LDAH: variants seen among roughly 807,000 people sequenced by gnomAD.
LDAH encodes the protein lipid droplet-associated hydrolase.
LDAH carries 26 observed loss-of-function variants against 29.6 expected under a neutral mutation model. The ratio of observed to expected loss-of-function variants is 0.88; its 90% CI spans 0.64 to 1.22. The LOEUF is 1.22. Ranked by LOEUF, LDAH falls within the 50% of genes most tolerant of loss-of-function variation. The probability of loss-of-function intolerance (pLI) is 0.00; values close to 1 mark genes in which losing one functional copy is unlikely to be tolerated. For missense variants in LDAH, 344 were observed against 387.3 expected (o/e 0.89, Z 0.94); for synonymous variants, 117 against 133.0 (o/e 0.88, Z 0.83).
intron 1 of LDAH, among the ~76,000 whole-genome samples, chr2:20,814,134 A>G (rs1208590364): frequency 6.6e-6 from 1 of 151,766 alleles, no homozygotes; most frequent in Non-Finnish European, 1.5e-5. Context: ...TTCCCCCACT[A>G]AATTAACATA....
Position 20,789,336 on chromosome 2 carries a change from GCC to G in LDAH, c.298+917_298+918del, listed in dbSNP as rs1370200203. 39 of 1,530,458 alleles carry G rather than the reference GCC, an allele frequency of 2.5e-5. No individual in the cohort carries two copies. In the African/African-American group the frequency reaches 4.4e-4, roughly 17 times the overall value. The allele number at this position is 1,530,458 out of a possible 1,614,324, so 94.8% of individuals were successfully genotyped here. A position where few individuals can be genotyped will look rare whatever the true frequency, so the allele number is the denominator to read the frequency against. ...TCCACCACGAGAGGACAGCAAGAAT[GCC>G]ACCTGTGAATCGGGAAGTAGGTTTT... is the stretch of plus-strand genomic sequence containing the variant. On this transcript the variant is annotated intron_variant, in intron 3 of 6. Transcript: ENST00000237822.
intron 4 of LDAH, among the ~76,000 whole-genome samples, chr2:20,748,590 C>T (rs1667741977): frequency 6.6e-6 from 1 of 152,218 alleles, no homozygotes; most frequent in African/African-American, 2.4e-5. Context: ...AACAATGATG[C>T]TCACAGGCTC....
chr2:20,710,660 C>G (rs59535564), intron 5 of LDAH, among the ~76,000 whole-genome samples: 29,291 of 136,642 alleles, frequency 0.21, 3,609 homozygotes, highest in East Asian at 0.33. Flanking sequence ...TATATATACA[C>G]ATATATATTA....
intron 4 of LDAH, among the ~76,000 whole-genome samples, chr2:20,773,071 A>G (rs1669544421): frequency 6.6e-6 from 1 of 152,202 alleles, no homozygotes; most frequent in Non-Finnish European, 1.5e-5. Flanking sequence ...ACAGCAATAG[A>G]TACCTAATAC....
chr2:20,718,550 T>C (rs1422156445), intron 5 of LDAH, among the ~76,000 whole-genome samples: 2 of 152,126 alleles, frequency 1.3e-5, no homozygotes, highest in South Asian at 4.1e-4. Flanking sequence ...AGAGGTAGAC[T>C]GCAATACAGT....
intron 4 of LDAH, among the ~76,000 whole-genome samples, chr2:20,767,228 A>C (rs1175167102): frequency 6.6e-6 from 1 of 152,222 alleles, no homozygotes; most frequent in African/African-American, 2.4e-5. Flanking sequence ...AGCCAGAAAC[A>C]GGCAGCAGCC....
intron 3 of LDAH, among the ~76,000 whole-genome samples, chr2:20,785,715 T>G (rs565614636): frequency 1.3e-5 from 2 of 152,360 alleles, no homozygotes; most frequent in African/African-American, 4.8e-5. Context: ...TAAATTATTT[T>G]TTTCTCTTTG....
At chr2:20,802,338 G>A (rs1671768576) in intron 1 of LDAH, among the ~76,000 whole-genome samples, 1 of 152,088 alleles carries the variant, frequency 6.6e-6, no homozygotes. Flanking sequence ...GGGATTACAG[G>A]CATGAGCCAT....
intron 5 of LDAH, among the ~76,000 whole-genome samples, chr2:20,719,591 A>T (rs1328576225): frequency 6.6e-6 from 1 of 152,124 alleles, no homozygotes; most frequent in Non-Finnish European, 1.5e-5. Flanking sequence ...CTACTTTAAA[A>T]AATTGAAGAG....
intron 5 of LDAH, among the ~76,000 whole-genome samples, chr2:20,724,546 ACAT>A (rs1665883273): frequency 6.6e-6 from 1 of 152,168 alleles, no homozygotes; most frequent in Non-Finnish European, 1.5e-5. Flanking sequence ...CCAAGAGCTG[ACAT>A]CATGATGGAG....
chr2:20,707,202 A>G (rs1350075467), intron 5 of LDAH, among the ~76,000 whole-genome samples: 2 of 152,214 alleles, frequency 1.3e-5, no homozygotes, highest in African/African-American at 4.8e-5. Context: ...AACTACTCCT[A>G]TAGCTCAAAG....
intron 6 of LDAH, among the ~76,000 whole-genome samples, chr2:20,690,733 A>G (rs1662948054): frequency 6.6e-6 from 1 of 152,144 alleles, no homozygotes; most frequent in African/African-American, 2.4e-5. Context: ...AGAAAGAGAA[A>G]CAACTGGACA....
At chr2:20,793,967 T>C (rs1290018409) in intron 2 of LDAH, among the ~76,000 whole-genome samples, 2 of 152,156 alleles carry the variant, frequency 1.3e-5, no homozygotes. Flanking sequence ...ATAAAAACTC[T>C]TTCAGAAAAT....
intron 4 of LDAH, among the ~76,000 whole-genome samples, chr2:20,763,833 TTAGA>T (rs569518498): frequency 1.9e-4 from 29 of 152,244 alleles, no homozygotes; most frequent in African/African-American, 7.0e-4. Flanking sequence ...ATGAAATGCA[TTAGA>T]TAAAGTACTA....
intron 2 of LDAH, among the ~76,000 whole-genome samples, chr2:20,799,313 T>C (rs1481459135): frequency 1.3e-5 from 2 of 152,184 alleles, no homozygotes; most frequent in Admixed American, 6.5e-5. Context: ...AGAACATCTG[T>C]TGGAACTAGA....
In LDAH at chr2:20,694,864, A is replaced by G. The variant is rs919604464; in HGVS notation, c.786+6706T>C. ...AAAGGGCCAGGATCCTCTCCCTCCC[A>G]CATACAAGCCACGAGGCCATCAAGT... On this transcript the variant is annotated intron_variant, in intron 6 of 6. Transcript: ENST00000237822. Among the ~76,000 whole-genome samples the G allele has an allele frequency of 6.6e-5, 10 of 152,326 alleles. No individual in the cohort carries two copies. In the East Asian group the frequency reaches 1.9e-3, roughly 29 times the overall value.
chr2:20,783,900 T>C (rs1098155), intron 3 of LDAH, among the ~76,000 whole-genome samples: 4 of 151,682 alleles, frequency 2.6e-5, no homozygotes, highest in Middle Eastern at 3.2e-3. Flanking sequence ...TTCTGTAGAG[T>C]TGGAGTTTCA....
intron 5 of LDAH, among the ~76,000 whole-genome samples, chr2:20,738,289 T>TA (rs1218353046): frequency 6.8e-5 from 10 of 147,674 alleles, no homozygotes; most frequent in African/African-American, 1.3e-4. Flanking sequence ...ATAATAATAA[T>TA]ATATAGATTC....
intron 5 of LDAH, among the ~76,000 whole-genome samples, chr2:20,710,618 A>ATC (rs1414100704): frequency 2.0e-4 from 25 of 125,876 alleles, no homozygotes; most frequent in Non-Finnish European, 1.0e-4. Context: ...ATATATATAT[A>ATC]TAGATATATA....
Sources: allele counts gnomAD v4.1 joint callset (sites outside exome capture counted in the v4.1 genomes callset), GRCh38; gene constraint gnomAD v4.1.1; transcripts MANE v1.5; gene names NCBI Gene and HGNC (gene_info 2026-07-23, HGNC 2026-07-21).